The following DBI variants were observed in gnomAD, a reference collection of about 807,000 sequenced individuals.
The protein encoded by DBI is diazepam binding inhibitor, acyl-CoA binding protein, also known as acyl-CoA-binding protein.
In DBI, 12 loss-of-function variants were observed where a neutral mutation model predicts 13.0. That is an observed-to-expected ratio of 0.92 (90% CI 0.59 to 1.49). The LOEUF (loss-of-function observed/expected upper bound fraction) is 1.49. Ranked by LOEUF, DBI falls within the 40% of genes most tolerant of loss-of-function variation. DBI has a pLI of 0.00. For synonymous variants in DBI, 37 were observed against 37.4 expected (o/e 0.99, Z 0.04); for missense variants, 95 against 104.8 (o/e 0.91, Z 0.41).
rs753461865 is a variant in DBI at position 119,370,798 on chromosome 2, G to A, written c.186G>A (p.Leu62=). ...GKAKWDAWNE[L]KGTSKEDAMK... Reference sequence around the variant, plus strand: ...CCAAGTGGGATGCCTGGAATGAGCTGAAAGGTAATTGTTCTAATCAATTTC... The same window carrying A: ...CCAAGTGGGATGCCTGGAATGAGCTAAAAGGTAATTGTTCTAATCAATTTC... Residue 62 remains leucine (L), a synonymous_variant, in exon 3 of 4, where the codon CTG becomes CTA. Transcript: ENST00000355857. 3 of 1,613,506 alleles carry A rather than the reference G, an allele frequency of 1.9e-6. No individual in the cohort carries two copies. The highest frequency in any genetic ancestry group is 2.5e-6 in the Non-Finnish European group (3 of 1,179,544).
intron 1 of DBI, 165 bp downstream of exon 1, chr2:119,367,225 T>C (rs971417970): frequency 6.2e-6 from 9 of 1,442,818 alleles, no homozygotes; most frequent in African/African-American, 2.9e-5. Flanking sequence ...GTGAGCGGGA[T>C]TTTCCGTTTG....
At chr2:119,368,622 C>T (rs1031424231) in intron 2 of DBI, 2 of 257,844 alleles carry the variant, frequency 7.8e-6, no homozygotes, top group African/African-American at 4.3e-5. Flanking sequence ...ATTGTTGAGC[C>T]GTTCAGCTTC....
chr2:119,367,110 C>A (rs1034269379), intron 1 of DBI, 50 bp downstream of exon 1: 1 of 1,610,702 alleles, frequency 6.2e-7, no homozygotes, highest in Non-Finnish European at 8.5e-7. Context: ...GCGGGAGGCC[C>A]GTTGGGGGCT....
In DBI at chr2:119,367,477, C is replaced by T. The variant is rs3731608; in HGVS notation, c.9+417C>T. The T allele has an allele frequency of 1.9e-5, 30 of 1,592,190 alleles. No individual in the cohort carries two copies. The African/African-American group carries it at 3.2e-4, about 17-fold the overall frequency. On this transcript the variant is annotated intron_variant, in intron 1 of 3. Coordinates refer to ENST00000355857, the MANE Select transcript of DBI (RefSeq NM_001079862.4). ...GAGAGCTTGGAGGTCAGGGGAAGTA[C>T]GGGGCCGGCTGCTCAGAGTGCGGGA... is the stretch of plus-strand genomic sequence containing the variant.
Position 119,372,483 on chromosome 2 carries a change from A to G in DBI, c.*165A>G. 1.9e-6 allele frequency: 1 copy of G among 533,036 alleles called. No individual in the cohort carries two copies. The highest frequency in any genetic ancestry group is 3.4e-6 in the Non-Finnish European group (1 of 295,806). The allele number at this position is 533,036 out of a possible 1,614,324, so 33.0% of individuals were successfully genotyped here. A position where few individuals can be genotyped will look rare whatever the true frequency, so the allele number is the denominator to read the frequency against. ...TAACAGATTAGGGGCTAAAACGATT[A>G]CTGACTTTCCTTGAGTAGTTTTTAT... is the stretch of plus-strand genomic sequence containing the variant. On this transcript the variant is annotated 3_prime_UTR_variant, in exon 4 of 4. Transcript: ENST00000355857.
At chr2:119,368,015 T>C (rs1407524339) in intron 1 of DBI, 173 bp from the exon 2 acceptor site, 32 of 1,598,732 alleles carry the variant, frequency 2.0e-5, no homozygotes, top group Non-Finnish European at 2.4e-5. Flanking sequence ...TCTTTCTAGC[T>C]GCCCTGTTGG....
chr2:119,367,807 T>C (rs914288125), intron 1 of DBI: 3 of 1,612,006 alleles, frequency 1.9e-6, no homozygotes, highest in African/African-American at 2.7e-5. Flanking sequence ...CACTCCCTAG[T>C]GCCTGGCCCG....
Position 119,370,821 on chromosome 2 carries a change from T to A in DBI, c.190+19T>A. On this transcript the variant is annotated intron_variant, in intron 3 of 3. Coordinates refer to ENST00000355857, the MANE Select transcript of DBI (RefSeq NM_001079862.4). ...CTGAAAGGTAATTGTTCTAATCAAT[T>A]TCTCTCATTTGTGAAACCCAGTAGT... 2 of 1,610,008 alleles carry A rather than the reference T, an allele frequency of 1.2e-6. No homozygotes were observed. Among genetic ancestry groups the A allele is most frequent in the Non-Finnish European group, 1.7e-6 (2 of 1,176,998 alleles).
intron 1 of DBI, chr2:119,367,961 T>C: frequency 6.2e-7 from 1 of 1,614,162 alleles, no homozygotes; most frequent in Non-Finnish European, 8.5e-7. Context: ...GGTTTTCGAT[T>C]GAATGAGTGA....
rs1429752815 is a variant in DBI, at chr2:119,372,336, CT to C, written c.*19del. 1 of 1,584,332 alleles carries C rather than the reference CT, an allele frequency of 6.3e-7. No individual in the cohort carries two copies. The highest frequency in any genetic ancestry group is 1.1e-5 in the South Asian group (1 of 90,356). On this transcript the variant is annotated 3_prime_UTR_variant, in exon 4 of 4. Transcript: ENST00000355857. ...GGATATGAGAGACTGGATTTGGTTACTGTGCCATGTGTTTATCCTAAACTGA... is the reference window on the plus strand; with the variant it reads ...GGATATGAGAGACTGGATTTGGTTACGTGCCATGTGTTTATCCTAAACTGA...
chr2:119,367,329 G>A (rs1275095505), intron 1 of DBI: 1 of 1,437,634 alleles, frequency 7.0e-7, no homozygotes, highest in Non-Finnish European at 9.1e-7. Flanking sequence ...GGGAGTCGAG[G>A]GTGCTTGATG....
rs1339374849 is a variant in DBI at position 119,372,520 on chromosome 2, T to G, written c.*202T>G. ...TGAGTAGTTTTTATCTGAAATCAAT[T>G]AAAAGTGTATTTGTTACTTTAAATA... is the stretch of plus-strand genomic sequence containing the variant. On this transcript the variant is annotated 3_prime_UTR_variant, in exon 4 of 4. Transcript: ENST00000355857. The G allele has an allele frequency of 2.1e-6, 1 of 484,396 alleles. No individual in the cohort carries two copies. Among genetic ancestry groups the G allele is most frequent in the Non-Finnish European group, 3.8e-6 (1 of 266,302 alleles). 30.0% of individuals were successfully genotyped at this position (484,396 alleles called of 1,614,324 possible). A position where few individuals can be genotyped will look rare whatever the true frequency, so the allele number is the denominator to read the frequency against.
At position 119,368,170 on chromosome 2, in the gene DBI, C is replaced by T; in HGVS notation, c.10-18C>T. ...ACCCAGAGGAGGCCCTCAATCCTCT[C>T]CTCTCCCTTCCATTTAGGCTGAGTT... On this transcript the variant is annotated intron_variant, in intron 1 of 3. Transcript: ENST00000355857. 6.2e-7 allele frequency: 1 copy of T among 1,607,468 alleles called. No homozygotes were observed. Among genetic ancestry groups the T allele is most frequent in the South Asian group, 1.1e-5 (1 of 90,916 alleles).
chr2:119,370,896 C>A, intron 3 of DBI, 94 bp downstream of exon 3: 1 of 1,202,952 alleles, frequency 8.3e-7, no homozygotes, highest in South Asian at 1.4e-5. Flanking sequence ...AAAACAAAGT[C>A]AATGGGGCAC....
intron 2 of DBI, among the ~76,000 whole-genome samples, chr2:119,369,011 T>A (rs1413594392): frequency 6.6e-6 from 1 of 152,216 alleles, no homozygotes; most frequent in Non-Finnish European, 1.5e-5. Context: ...AAGGCGAGCA[T>A]GGTCCCTATT....
intron 1 of DBI, chr2:119,367,487 T>C (rs1185732181): frequency 5.6e-6 from 9 of 1,597,906 alleles, no homozygotes; most frequent in Non-Finnish European, 7.7e-6. Context: ...CGGGGCCGGC[T>C]GCTCAGAGTG....
intron 3 of DBI, among the ~76,000 whole-genome samples, chr2:119,371,328 C>T (rs1330943619): frequency 1.3e-5 from 2 of 152,224 alleles, no homozygotes; most frequent in African/African-American, 4.8e-5. Flanking sequence ...TACTTAATCA[C>T]GTGCCACCTG....
intron 3 of DBI, 115 bp from the exon 4 acceptor site, chr2:119,372,130 A>T: frequency 4.1e-6 from 3 of 734,994 alleles, no homozygotes; most frequent in Non-Finnish European, 7.2e-6. Flanking sequence ...TCTCAACTTT[A>T]TTAAGTGAGA....
intron 1 of DBI, chr2:119,367,551 C>T (rs759288813): frequency 6.2e-7 from 1 of 1,612,650 alleles, no homozygotes; most frequent in African/African-American, 1.3e-5. Flanking sequence ...CCCCTCCCTT[C>T]TCTCCAGTGT....
Sources: gnomAD v4.1 joint callset for allele counts (sites outside exome capture counted in the v4.1 genomes callset) on GRCh38, gnomAD v4.1.1 for gene constraint, MANE v1.5 for transcripts, NCBI Gene and HGNC (gene_info 2026-07-23, HGNC 2026-07-21) for gene names.